The following RNF115 variants were observed in gnomAD, a reference collection of about 807,000 sequenced individuals.
RNF115 encodes the protein ring finger protein 115.
Under a neutral mutation model 39.2 loss-of-function variants are expected in RNF115, and 31 were observed. The ratio of observed to expected loss-of-function variants is 0.79; its 90% CI spans 0.59 to 1.07. The LOEUF is 1.07. Ranked by LOEUF, RNF115 falls within the 50% of genes least tolerant of loss-of-function variation. The pLI, the probability that RNF115 is intolerant of heterozygous loss-of-function variation, is 0.00. For missense variants in RNF115, 384 were observed against 381.7 expected, an observed-to-expected ratio of 1.01 and a Z score of -0.05; for synonymous variants, 124 against 131.0, an observed-to-expected ratio of 0.95 and a Z score of 0.37.
chr1:145,782,166 A>G (rs980566726), intron 3 of RNF115, among the ~76,000 whole-genome samples: 2 of 152,022 alleles, frequency 1.3e-5, no homozygotes, highest in South Asian at 4.2e-4. Context: ...CGGCCTCCCA[A>G]AGTGCTGGGA....
chr1:145,767,433 C>T (rs1553715149), intron 4 of RNF115, among the ~76,000 whole-genome samples: 1 of 151,614 alleles, frequency 6.6e-6, no homozygotes, highest in African/African-American at 2.4e-5. Flanking sequence ...GGCAGAGACG[C>T]TCCTCACTTC....
At chr1:145,804,810 C>T (rs1649395520) in intron 1 of RNF115, among the ~76,000 whole-genome samples, 1 of 151,994 alleles carries the variant, frequency 6.6e-6, no homozygotes, top group Admixed American at 6.5e-5. Flanking sequence ...ATTAATATGC[C>T]ATTCCATGTC....
intron 3 of RNF115, 104 bp from the exon 4 acceptor site, chr1:145,772,023 G>GT: frequency 2.2e-6 from 2 of 899,660 alleles, no homozygotes; most frequent in Non-Finnish European, 3.4e-6. Context: ...GAATATTACT[G>GT]TATGTCTTCT....
intron 1 of RNF115, among the ~76,000 whole-genome samples, chr1:145,802,916 C>T (rs900623282): frequency 6.6e-6 from 1 of 152,156 alleles, no homozygotes; most frequent in Non-Finnish European, 1.5e-5. Flanking sequence ...CCTTTTCAAG[C>T]CAGGTTATAC....
Position 145,751,450 on chromosome 1 carries a change from G to A in RNF115, c.561C>T (p.Ala187=). 1 of 1,586,130 alleles carries A rather than the reference G, an allele frequency of 6.3e-7. No homozygotes were observed. The highest frequency in any genetic ancestry group is 8.6e-7 in the Non-Finnish European group (1 of 1,165,496). The change falls in exon 6 of 9, where the codon GCC becomes GCT. Residue 187 remains alanine, a synonymous_variant. Transcript: ENST00000582693. ...DYAWGQTGLD[A]IVTQLLGQLE... The stretch of plus-strand genomic sequence containing the variant: ...GGCAGCTCCTCACCTGGGTTACAAT[G>A]GCATCAAGCCCTGTCTGACCCCAGG...
chr1:145,764,816 C>T (rs941585092), intron 4 of RNF115, among the ~76,000 whole-genome samples: 15 of 150,812 alleles, frequency 9.9e-5, no homozygotes, highest in African/African-American at 4.9e-5. Context: ...GGTGCCTCCG[C>T]CCGGCCAGCC....
rs782152115 is a variant in RNF115 at position 145,750,509 on chromosome 1, A to G, written c.574-9T>C. Reference sequence around the variant, plus strand: ...TCCAGTTGTCCTAAAAGCTACAAAAAAAGAGAAAGAAAAAGACGAAGTGGC... The same window carrying G: ...TCCAGTTGTCCTAAAAGCTACAAAAGAAGAGAAAGAAAAAGACGAAGTGGC... On this transcript the variant is annotated splice_polypyrimidine_tract_variant and intron_variant, in intron 6 of 8. Coordinates refer to ENST00000582693, the MANE Select transcript of RNF115 (RefSeq NM_014455.4). The G allele has an allele frequency of 3.6e-5, 58 of 1,610,228 alleles. No individual in the cohort carries two copies. The highest frequency in any genetic ancestry group is 1.6e-4 in the Middle Eastern group (1 of 6,078).
At chr1:145,767,394 C>CT (rs1365860912) in intron 4 of RNF115, among the ~76,000 whole-genome samples, 1 of 149,904 alleles carries the variant, frequency 6.7e-6, no homozygotes, top group Admixed American at 6.6e-5. Context: ...GGCAGAGGCG[C>CT]TCCCCACATC....
At chr1:145,814,775 G>A (rs1476239464) in intron 1 of RNF115, among the ~76,000 whole-genome samples, 7 of 152,140 alleles carry the variant, frequency 4.6e-5, no homozygotes, top group African/African-American at 1.7e-4. Flanking sequence ...GAATTACAAG[G>A]ATAAACTAGC....
chr1:145,811,894 AAAAAAAAAAAAAAAATAT>A, intron 1 of RNF115, among the ~76,000 whole-genome samples: 2 of 101,528 alleles, frequency 2.0e-5, no homozygotes, highest in African/African-American at 6.4e-5. Context: ...AAAAAAAAAA[AAAAAAAAAAAAAAAATAT>A]ATATATATAT....
At chr1:145,760,647 C>G (rs1446932676) in intron 4 of RNF115, among the ~76,000 whole-genome samples, 3 of 152,192 alleles carry the variant, frequency 2.0e-5, no homozygotes, top group Admixed American at 2.0e-4. Flanking sequence ...CCTCCCCAGC[C>G]ATGTGGAACT....
intron 2 of RNF115, among the ~76,000 whole-genome samples, chr1:145,785,786 AC>A (rs1304382684): frequency 6.6e-6 from 1 of 152,224 alleles, no homozygotes; most frequent in Admixed American, 6.5e-5. Context: ...TCTTTATGCA[AC>A]CATTCTCAAG....
chr1:145,788,320 G>A (rs1012480379), intron 2 of RNF115, among the ~76,000 whole-genome samples: 8 of 152,186 alleles, frequency 5.3e-5, no homozygotes, highest in African/African-American at 1.9e-4. Flanking sequence ...GACCTCAGGT[G>A]ATCCACCCAC....
At chr1:145,749,009 C>G (rs1680648) in intron 7 of RNF115, among the ~76,000 whole-genome samples, 5,283 of 152,162 alleles carry the variant, frequency 0.035, 317 homozygotes, top group African/African-American at 0.12. Flanking sequence ...CTCAGGTCAC[C>G]AAATCAAGAG....
chr1:145,747,032 C>G (rs1553711836), intron 8 of RNF115, 35 bp from the exon 9 acceptor site: 1 of 1,587,616 alleles, frequency 6.3e-7, no homozygotes, highest in Admixed American at 1.7e-5. Flanking sequence ...TGTGAAGATC[C>G]TGGCCTGAGA....
intron 4 of RNF115, among the ~76,000 whole-genome samples, chr1:145,767,135 A>G (rs1559111421): frequency 1.4e-5 from 2 of 143,688 alleles, no homozygotes; most frequent in Non-Finnish European, 3.0e-5. Context: ...CACTTCTCAG[A>G]CGGGGCGGCT....
rs376104623 is a variant in RNF115, at chr1:145,780,446, C to A, written c.219+4093G>T. ...CCATCCTGGCTAACACGGTGAAACC[C>A]CGTCTCTACTAAAAATATAAAAAAT... is the stretch of plus-strand genomic sequence containing the variant. On this transcript the variant is annotated intron_variant, in intron 3 of 8. Coordinates refer to ENST00000582693, the MANE Select transcript of RNF115 (RefSeq NM_014455.4). Among the ~76,000 whole-genome samples the A allele has an allele frequency of 2.6e-4, 40 of 151,816 alleles. No homozygotes were observed. The Middle Eastern group carries it at 0.014, about 52-fold the overall frequency.
intron 4 of RNF115, among the ~76,000 whole-genome samples, chr1:145,769,795 A>C (rs941742766): frequency 1.1e-4 from 17 of 151,370 alleles, no homozygotes; most frequent in African/African-American, 3.9e-4. Flanking sequence ...GAACAAATCA[A>C]CTCCAATAAT....
At chr1:145,806,828 C>G (rs781843582) in intron 1 of RNF115, among the ~76,000 whole-genome samples, 7 of 152,170 alleles carry the variant, frequency 4.6e-5, no homozygotes, top group Non-Finnish European at 1.0e-4. Context: ...TTTGTTGAGA[C>G]AGAGTCTTTT....
Sources: allele counts gnomAD v4.1 joint callset (sites outside exome capture counted in the v4.1 genomes callset), GRCh38; gene constraint gnomAD v4.1.1; transcripts MANE v1.5; gene names NCBI Gene and HGNC (gene_info 2026-07-23, HGNC 2026-07-21).